Variants in ABHD16A observed in about 807,000 individuals in gnomAD.
ABHD16A encodes phosphatidylserine lipase ABHD16A.
ABHD16A carries 47 observed loss-of-function variants against 89.8 expected under a neutral mutation model. That is an observed-to-expected ratio of 0.52 (90% CI 0.41 to 0.67). The LOEUF (loss-of-function observed/expected upper bound fraction) is 0.67. ABHD16A is among the 30% of genes least tolerant of loss of function. The pLI is 0.00. For synonymous variants in ABHD16A, 251 were observed against 280.4 expected (o/e 0.90, Z 1.05); for missense variants, 580 against 734.6 (o/e 0.79, Z 2.43).
Position 31,693,508 on chromosome 6 carries a change from C to G in ABHD16A, c.430-76G>C. 7.1e-7 allele frequency: 1 copy of G among 1,401,606 alleles called. No individual in the cohort carries two copies. Among genetic ancestry groups the G allele is most frequent in the Non-Finnish European group, 1.0e-6 (1 of 999,468 alleles). 86.8% of individuals were successfully genotyped at this position (1,401,606 alleles called of 1,614,324 possible). Reference sequence around the variant, plus strand: ...TCCTACCCACCCTCAACAACACCTTCGTTATCCAGGGGTCTGATCCCCACA... The same window carrying G: ...TCCTACCCACCCTCAACAACACCTTGGTTATCCAGGGGTCTGATCCCCACA... On this transcript the variant is annotated intron_variant, in intron 5 of 19. Coordinates refer to ENST00000395952, the MANE Select transcript of ABHD16A (RefSeq NM_021160.3). This position sits in a 1 kb window ranked among gnomAD's most constrained non-coding sequence, Gnocchi z 5.0.
In ABHD16A at chr6:31,692,601, T is replaced by C. The variant is rs570292974; in HGVS notation, c.626+426A>G. Among the ~76,000 whole-genome samples the C allele has an allele frequency of 9.2e-4, 140 of 152,208 alleles. 1 individual carries two copies. The highest frequency in any genetic ancestry group is 1.7e-3 in the Non-Finnish European group (117 of 67,998). ...ACCTTACTTAATCTCCTCAGCAACC[T>C]TGCAGGGCAGGTTCATCACAGGTGC... On this transcript the variant is annotated intron_variant, in intron 7 of 19. Coordinates refer to ENST00000395952, the MANE Select transcript of ABHD16A (RefSeq NM_021160.3).
intron 1 of ABHD16A, chr6:31,702,660 G>C (rs1413305325): frequency 5.8e-6 from 9 of 1,539,186 alleles, no homozygotes; most frequent in Non-Finnish European, 7.9e-6. Context: ...CTCCAGGCTA[G>C]GTTGGGCGGG....
chr6:31,701,473 ATG>A, intron 2 of ABHD16A, 133 bp from the exon 3 acceptor site: 5 of 732,718 alleles, frequency 6.8e-6, no homozygotes, highest in East Asian at 2.7e-5. Context: ...GTATGACACC[ATG>A]AATACAGTAG....
At position 31,693,190 on chromosome 6, in the gene ABHD16A, C is replaced by A; in HGVS notation, c.504-41G>T. The A allele has an allele frequency of 6.2e-7, 1 of 1,600,866 alleles. No individual in the cohort carries two copies. On this transcript the variant is annotated intron_variant, in intron 6 of 19. Coordinates refer to ENST00000395952, the MANE Select transcript of ABHD16A (RefSeq NM_021160.3). The surrounding 1 kb of genome is among the most constrained non-coding windows in gnomAD (Gnocchi z 5.0). The stretch of plus-strand genomic sequence containing the variant: ...ATGCAGGGAAGGATAGGGTCAGGAG[C>A]AGCAAGCTGGATGTCTGAGGTCTGG...
intron 7 of ABHD16A, 143 bp from the exon 8 acceptor site, chr6:31,692,061 T>A: frequency 1.5e-6 from 1 of 646,116 alleles, no homozygotes; most frequent in Non-Finnish European, 2.6e-6. Context: ...TTTCAAGCCT[T>A]AATGAAATAT....
chr6:31,689,727 AG>A, intron 11 of ABHD16A, 23 bp from the exon 12 acceptor site: 1 of 1,599,712 alleles, frequency 6.3e-7, no homozygotes, highest in Non-Finnish European at 8.5e-7. Context: ...GGGCAAAGTC[AG>A]GAGTGTGTCA....
In ABHD16A at chr6:31,686,961, T is replaced by C. The variant is rs1803349628; in HGVS notation, c.*251A>G. 2 of 534,494 alleles carry C rather than the reference T, an allele frequency of 3.7e-6. No individual in the cohort carries two copies. The highest frequency in any genetic ancestry group is 6.9e-5 in the Admixed American group (2 of 29,082). The allele number at this position is 534,494 out of a possible 1,614,324, so 33.1% of individuals were successfully genotyped here. Reference sequence around the variant, plus strand: ...AGAAGTTATACAATTAGCCTGATAGTAGAAAAAATACCTTTTTATTAATTA... The same window carrying C: ...AGAAGTTATACAATTAGCCTGATAGCAGAAAAAATACCTTTTTATTAATTA... On this transcript the variant is annotated 3_prime_UTR_variant, in exon 20 of 20. Coordinates refer to ENST00000395952, the MANE Select transcript of ABHD16A (RefSeq NM_021160.3). This position sits in a 1 kb window ranked among gnomAD's most constrained non-coding sequence, Gnocchi z 4.3.
chr6:31,691,458 T>G, intron 9 of ABHD16A, 121 bp downstream of exon 9: 2 of 822,508 alleles, frequency 2.4e-6, no homozygotes, highest in Non-Finnish European at 3.9e-6. Flanking sequence ...AGCGTGGAGC[T>G]AGGACATGAG....
Position 31,693,357 on chromosome 6 carries a change from A to G in ABHD16A, c.503+2T>C, listed in dbSNP as rs1422055034. ...GATACAGCAAAAGAACTGGGGCCTC[A>G]CCGGCTGCTGGGTTCTTCCCAGTGG... On this transcript the variant is annotated splice_donor_variant, in intron 6 of 19. Transcript: ENST00000395952. LOFTEE classifies it high-confidence loss of function. This position sits in a 1 kb window ranked among gnomAD's most constrained non-coding sequence, Gnocchi z 5.0. The G allele has an allele frequency of 1.2e-6, 2 of 1,613,074 alleles. No individual in the cohort carries two copies. Among genetic ancestry groups the G allele is most frequent in the Admixed American group, 3.3e-5 (2 of 60,018 alleles).
rs1381421740 is a variant in ABHD16A, at chr6:31,698,572, G to A, written c.344-1539C>T. Among the ~76,000 whole-genome samples, 5 of 151,814 alleles carry A rather than the reference G, an allele frequency of 3.3e-5. No homozygotes were observed. Among genetic ancestry groups the A allele is most frequent in the African/African-American group, 1.2e-4 (5 of 41,312 alleles). ...GTGCTCTCGGCTCACTGCAACCTCC[G>A]CCTCCCGGGTTCAAGTGATTCTCCT... On this transcript the variant is annotated intron_variant, in intron 4 of 19. Coordinates refer to ENST00000395952, the MANE Select transcript of ABHD16A (RefSeq NM_021160.3). The surrounding 1 kb of genome is among the most constrained non-coding windows in gnomAD (Gnocchi z 4.1).
intron 1 of ABHD16A, chr6:31,702,548 T>C: frequency 7.3e-7 from 1 of 1,364,178 alleles, no homozygotes; most frequent in South Asian, 1.7e-5. Flanking sequence ...GCGGGCAGTT[T>C]GTAGGAGACA....
Position 31,687,690 on chromosome 6 carries a change from G to C in ABHD16A, c.1498C>G (p.Leu500Val). 1 of 1,612,898 alleles carries C rather than the reference G, an allele frequency of 6.2e-7. No individual in the cohort carries two copies. Among genetic ancestry groups the C allele is most frequent in the South Asian group, 1.1e-5 (1 of 91,084 alleles). The change falls in exon 18 of 20, where the codon CTC (leucine) becomes GTC (valine). Residue 500 changes from leucine to valine, a missense_variant. By Grantham distance (32) the Leu-to-Val change is conservative. Around this residue, in one of 2 missense-constraint regions of ABHD16A, gnomAD observed 415 missense variants for 568.8 expected, o/e 0.73. Coordinates refer to ENST00000395952, the MANE Select transcript of ABHD16A (RefSeq NM_021160.3). This position sits in a 1 kb window ranked among gnomAD's most constrained non-coding sequence, Gnocchi z 6.3. ...CCGTGTTCTGCCTGGTAGGAGCGGA[G>C]GACAGACAGACACCAGTCCTCTTCC... Reference protein sequence around the residue: ...EVEEDWCLSVLRSYQAEHGPD... With the variant: ...EVEEDWCLSVVRSYQAEHGPD...
At chr6:31,689,559 G>T in intron 12 of ABHD16A, 22 bp downstream of exon 12, 1 of 1,565,696 alleles carries the variant, frequency 6.4e-7, no homozygotes, top group Non-Finnish European at 8.7e-7. Context: ...TCTACAGTGG[G>T]GGATGGGAGG....
In ABHD16A at chr6:31,688,924, TC is replaced by T; in HGVS notation, c.1186+90del. 1.4e-6 allele frequency: 2 copies of T among 1,417,312 alleles called. No homozygotes were observed. Among genetic ancestry groups the T allele is most frequent in the Non-Finnish European group, 1.9e-6 (2 of 1,029,974 alleles). The allele number at this position is 1,417,312 out of a possible 1,614,324, so 87.8% of individuals were successfully genotyped here. On this transcript the variant is annotated intron_variant, in intron 13 of 19. Transcript: ENST00000395952. This position sits in a 1 kb window ranked among gnomAD's most constrained non-coding sequence, Gnocchi z 4.9. ...TGCTTCCAACAATGGGGCGACTTAC[TC>T]CCCACCCAAGAAAAGGGAGCCATCT...
Position 31,698,737 on chromosome 6 carries a change from G to C in ABHD16A, c.344-1704C>G, listed in dbSNP as rs1332060691. Among the ~76,000 whole-genome samples the C allele has an allele frequency of 6.6e-6, 1 of 151,986 alleles. No individual in the cohort carries two copies. The highest frequency in any genetic ancestry group is 1.5e-5 in the Non-Finnish European group (1 of 67,984). On this transcript the variant is annotated intron_variant, in intron 4 of 19. Transcript: ENST00000395952. This position sits in a 1 kb window ranked among gnomAD's most constrained non-coding sequence, Gnocchi z 4.1. Reference sequence around the variant, plus strand: ...AGCAGTGGGAGCTACTTTTAGACAGGGTGGTCAGGGAAGGCCTCTCTGAGG... The same window carrying C: ...AGCAGTGGGAGCTACTTTTAGACAGCGTGGTCAGGGAAGGCCTCTCTGAGG...
chr6:31,687,111 A>G lies in ABHD16A; in HGVS notation c.*101T>C. 3.3e-6 allele frequency: 4 copies of G among 1,208,138 alleles called. No homozygotes were observed. The highest frequency in any genetic ancestry group is 4.7e-6 in the Non-Finnish European group (4 of 856,144). The allele number at this position is 1,208,138 out of a possible 1,614,324, so 74.8% of individuals were successfully genotyped here. ...AGGGGGATGGTCCCCCACTTTCCACAAACTATAAACAGCAACATGAACACA... is the reference window on the plus strand; with the variant it reads ...AGGGGGATGGTCCCCCACTTTCCACGAACTATAAACAGCAACATGAACACA... On this transcript the variant is annotated 3_prime_UTR_variant, in exon 20 of 20. Transcript: ENST00000395952. The surrounding 1 kb of genome is among the most constrained non-coding windows in gnomAD (Gnocchi z 6.3).
At chr6:31,702,224 G>C in intron 1 of ABHD16A, 94 bp from the exon 2 acceptor site, 2 of 1,239,594 alleles carry the variant, frequency 1.6e-6, no homozygotes, top group Non-Finnish European at 2.3e-6. Context: ...TCTGGTTCTA[G>C]TCTCGTTGAC....
At position 31,690,205 on chromosome 6, in the gene ABHD16A, A is replaced by T; in HGVS notation, c.908-78T>A. 7.3e-7 allele frequency: 1 copy of T among 1,372,402 alleles called. No homozygotes were observed. The highest frequency in any genetic ancestry group is 9.9e-7 in the Non-Finnish European group (1 of 1,005,812). 85.0% of individuals were successfully genotyped at this position (1,372,402 alleles called of 1,614,324 possible). On this transcript the variant is annotated intron_variant, in intron 10 of 19. Coordinates refer to ENST00000395952, the MANE Select transcript of ABHD16A (RefSeq NM_021160.3). This position sits in a 1 kb window ranked among gnomAD's most constrained non-coding sequence, Gnocchi z 4.1. ...CCATCCCTGGGGGAAGGAAGAGCAG[A>T]AGTACCCCCCAGCTTAGATGCAAAT...
intron 4 of ABHD16A, 141 bp from the exon 5 acceptor site, chr6:31,697,174 G>T: frequency 1.4e-6 from 1 of 729,928 alleles, no homozygotes; most frequent in Non-Finnish European, 2.3e-6. Flanking sequence ...CATAGGATGC[G>T]GAGAAATAGA....
Sources: allele counts gnomAD v4.1 joint callset (sites outside exome capture counted in the v4.1 genomes callset), GRCh38; gene constraint gnomAD v4.1.1; regional missense constraint gnomAD v4.1.1; non-coding constraint Gnocchi (gnomAD v3.1); transcripts MANE v1.5; gene names NCBI Gene and HGNC (gene_info 2026-07-23, HGNC 2026-07-21).